Variants in BOLL observed in about 807,000 individuals in gnomAD.
The protein encoded by BOLL is boule RNA binding protein.
In BOLL, 23 loss-of-function variants were observed where a neutral mutation model predicts 44.4. The ratio of observed to expected loss-of-function variants is 0.52; its 90% CI spans 0.37 to 0.73. The LOEUF (loss-of-function observed/expected upper bound fraction) is 0.73. Among genes scored for constraint, BOLL ranks in the 30% least tolerant of loss-of-function variants. The pLI, the probability that BOLL is intolerant of heterozygous loss-of-function variation, is 0.00. For missense variants in BOLL, 287 were observed against 338.3 expected (o/e 0.85, Z 1.19); for synonymous variants, 97 against 110.8 (o/e 0.88, Z 0.78).
At chr2:197,781,686 G>A (rs371471664) in intron 2 of BOLL, 36 bp downstream of exon 2, 24 of 1,435,842 alleles carry the variant, frequency 1.7e-5, no homozygotes, top group Non-Finnish European at 2.2e-5. Flanking sequence ...GACTTCTAAT[G>A]AAAAAATACA....
chr2:197,729,398 G>A lies in BOLL; in HGVS notation c.829-820C>T, dbSNP rs368015489. Among the ~76,000 whole-genome samples the A allele has an allele frequency of 6.6e-5, 10 of 152,300 alleles. No individual in the cohort carries two copies. In the East Asian group the frequency reaches 7.7e-4, roughly 12 times the overall value. On this transcript the variant is annotated intron_variant, in intron 10 of 10. Transcript: ENST00000392296. Reference sequence around the variant, plus strand: ...CAGCGAGGCTGGGGGAGGGGCGCCCGCCATTGCCCAGGCTTGATTAGGTAA... The same window carrying A: ...CAGCGAGGCTGGGGGAGGGGCGCCCACCATTGCCCAGGCTTGATTAGGTAA...
intron 5 of BOLL, chr2:197,773,928 G>T: frequency 2.6e-6 from 1 of 379,294 alleles, no homozygotes; most frequent in South Asian, 2.1e-5. Flanking sequence ...TGGTAATGGA[G>T]ATGGAAAGAA....
chr2:197,737,268 T>C (rs1429879423), intron 10 of BOLL, among the ~76,000 whole-genome samples: 1 of 152,102 alleles, frequency 6.6e-6, no homozygotes, highest in Admixed American at 6.6e-5. Flanking sequence ...ACAGAATCCA[T>C]ATAATACATA....
intron 8 of BOLL, among the ~76,000 whole-genome samples, 161 bp from the exon 9 acceptor site, chr2:197,756,717 T>C (rs1275926544): frequency 2.0e-5 from 3 of 152,204 alleles, no homozygotes; most frequent in Admixed American, 1.3e-4. Context: ...GAAACTGATC[T>C]GTTATAAATT....
chr2:197,744,238 G>T (rs2106328571), intron 9 of BOLL, among the ~76,000 whole-genome samples: 1 of 152,288 alleles, frequency 6.6e-6, no homozygotes, highest in African/African-American at 2.4e-5. Flanking sequence ...GTAGTGGATA[G>T]TGCAGTCTAA....
chr2:197,779,148 A>T, intron 2 of BOLL, 82 bp from the exon 3 acceptor site: 2 of 1,038,758 alleles, frequency 1.9e-6, no homozygotes, highest in Non-Finnish European at 2.8e-6. Flanking sequence ...CTGGAGACAG[A>T]AAAAGTTATA....
chr2:197,783,172 A>T lies in BOLL; in HGVS notation c.-15-1307T>A, dbSNP rs956463603. Among the ~76,000 whole-genome samples, 4 of 152,310 alleles carry T rather than the reference A, an allele frequency of 2.6e-5. No individual in the cohort carries two copies. In the South Asian group the frequency reaches 8.3e-4, roughly 32 times the overall value. On this transcript the variant is annotated intron_variant, in intron 1 of 10. Transcript: ENST00000392296. The stretch of plus-strand genomic sequence containing the variant: ...ATGTGTGCTTCAAAAAACTTGAAGT[A>T]AACTGGGTGTTGTGGCTTGTGCCTG...
chr2:197,752,044 A>G (rs1688284836), intron 9 of BOLL, among the ~76,000 whole-genome samples: 1 of 152,238 alleles, frequency 6.6e-6, no homozygotes, highest in Non-Finnish European at 1.5e-5. Flanking sequence ...AACCAACGAC[A>G]AAAACCACAT....
Position 197,781,527 on chromosome 2 carries a change from A to G in BOLL, c.129+195T>C, listed in dbSNP as rs112425860. On this transcript the variant is annotated intron_variant, in intron 2 of 10. Transcript: ENST00000392296. ...CAAGTCAGTGAGGATCAATTTCTTTATATCTGACATTGAACAGTTTTTAAT... is the reference window on the plus strand; with the variant it reads ...CAAGTCAGTGAGGATCAATTTCTTTGTATCTGACATTGAACAGTTTTTAAT... Among the ~76,000 whole-genome samples, 25 of 152,308 alleles carry G rather than the reference A, an allele frequency of 1.6e-4. 3 individuals carry two copies. The highest frequency in any genetic ancestry group is 5.8e-4 in the African/African-American group (24 of 41,578).
intron 10 of BOLL, among the ~76,000 whole-genome samples, 197 bp downstream of exon 10, chr2:197,742,864 A>G (rs937866378): frequency 3.9e-5 from 6 of 152,094 alleles, no homozygotes; most frequent in Admixed American, 3.3e-4. Flanking sequence ...TTTAAGTTGC[A>G]TATATTACCA....
chr2:197,738,637 A>T (rs994602508), intron 10 of BOLL, among the ~76,000 whole-genome samples: 128 of 152,310 alleles, frequency 8.4e-4, no homozygotes, highest in African/African-American at 3.0e-3. Flanking sequence ...CTTCAAGATA[A>T]TTTTGACATT....
intron 10 of BOLL, among the ~76,000 whole-genome samples, chr2:197,733,492 C>A (rs1425275979): frequency 1.3e-5 from 2 of 151,498 alleles, no homozygotes; most frequent in East Asian, 1.9e-4. Flanking sequence ...AAAAAAGAGC[C>A]CGCATCGCCA....
In BOLL at chr2:197,730,965, A is replaced by G. The variant is rs564812125; in HGVS notation, c.829-2387T>C. On this transcript the variant is annotated intron_variant, in intron 10 of 10. Transcript: ENST00000392296. The stretch of plus-strand genomic sequence containing the variant: ...CAGGATCAAATTCACACATAACAAT[A>G]TTAACTTTAAATGTAAATGGACTAA... 0.015 allele frequency among the ~76,000 whole-genome samples: 2,224 copies of G among 152,082 alleles called. 127 individuals carry two copies. In the East Asian group the frequency reaches 0.19, roughly 13 times the overall value.
intron 10 of BOLL, among the ~76,000 whole-genome samples, chr2:197,740,851 C>A (rs180807591): frequency 1.3e-5 from 2 of 152,166 alleles, no homozygotes; most frequent in Non-Finnish European, 2.9e-5. Context: ...TAATTAATGC[C>A]ACTGAATTGT....
intron 6 of BOLL, among the ~76,000 whole-genome samples, chr2:197,769,399 T>C (rs1179839284): frequency 1.3e-5 from 2 of 152,126 alleles, no homozygotes; most frequent in African/African-American, 2.4e-5. Context: ...GGAGGGTGTA[T>C]GTGTCCAGGA....
intron 3 of BOLL, among the ~76,000 whole-genome samples, chr2:197,778,368 G>A (rs1397188599): frequency 2.0e-5 from 3 of 151,868 alleles, no homozygotes; most frequent in Non-Finnish European, 4.4e-5. Flanking sequence ...AACTCCTTAA[G>A]TGAGTGTACT....
At chr2:197,764,231 T>A (rs943370327) in intron 7 of BOLL, among the ~76,000 whole-genome samples, 1 of 152,202 alleles carries the variant, frequency 6.6e-6, no homozygotes, top group Non-Finnish European at 1.5e-5. Flanking sequence ...GAGAGACATC[T>A]GCACCCCCAT....
chr2:197,785,992 C>G (rs1354702930), upstream of BOLL: 3 of 1,611,568 alleles, frequency 1.9e-6, no homozygotes, highest in African/African-American at 4.0e-5. This position sits in a 1 kb window ranked among gnomAD's most constrained non-coding sequence, Gnocchi z 6.7. Context: ...CCGGCCCGGA[C>G]TCGGTTTCCA....
chr2:197,745,175 G>A (rs1687936163), intron 9 of BOLL, among the ~76,000 whole-genome samples: 1 of 152,120 alleles, frequency 6.6e-6, no homozygotes, highest in Non-Finnish European at 1.5e-5. Flanking sequence ...CAATCTGGTA[G>A]TACTGAGGGC....
Sources: gnomAD v4.1 joint callset for allele counts (sites outside exome capture counted in the v4.1 genomes callset) on GRCh38, gnomAD v4.1.1 for gene constraint, Gnocchi (gnomAD v3.1) non-coding constraint, MANE v1.5 for transcripts, NCBI Gene and HGNC (gene_info 2026-07-23, HGNC 2026-07-21) for gene names.